Variants in PLPP4 observed in about 807,000 individuals in gnomAD.
PLPP4 encodes diacylglycerol pyrophosphate like 2.
PLPP4 carries 20 observed loss-of-function variants against 32.2 expected under a neutral mutation model. That is an observed-to-expected ratio of 0.62 (90% CI 0.44 to 0.90). The LOEUF (loss-of-function observed/expected upper bound fraction) is 0.90, where lower values mean the gene tolerates loss of function less well. Ranked by LOEUF, PLPP4 falls within the 40% of genes least tolerant of loss-of-function variation. The pLI, the probability that PLPP4 is intolerant of heterozygous loss-of-function variation, is 0.00. For missense variants in PLPP4, 257 were observed against 353.1 expected, an observed-to-expected ratio of 0.73 and a Z score of 2.18; for synonymous variants, 127 against 133.0, an observed-to-expected ratio of 0.95 and a Z score of 0.31.
intron 1 of PLPP4, among the ~76,000 whole-genome samples, chr10:120,459,991 G>C (rs1305710280): frequency 6.6e-6 from 1 of 152,128 alleles, no homozygotes; most frequent in African/African-American, 2.4e-5. Flanking sequence ...CTGAGGTTTT[G>C]TGCATTCAGA....
chr10:120,527,776 G>A (rs904977518), intron 5 of PLPP4, among the ~76,000 whole-genome samples: 1 of 152,140 alleles, frequency 6.6e-6, no homozygotes, highest in African/African-American at 2.4e-5. Context: ...TACCAGCTGC[G>A]TGTCTGGGAG....
intron 6 of PLPP4, chr10:120,581,081 C>T: frequency 7.9e-7 from 1 of 1,266,614 alleles, no homozygotes; most frequent in Non-Finnish European, 1.0e-6. Context: ...AAGTCCACTG[C>T]ATATCCTGCT....
intron 1 of PLPP4, among the ~76,000 whole-genome samples, chr10:120,466,103 G>A (rs145608726): frequency 8.1e-4 from 124 of 152,196 alleles, no homozygotes; most frequent in African/African-American, 2.8e-3. Flanking sequence ...TCTCTGTCCA[G>A]CTATACCTCT....
Position 120,529,180 on chromosome 10 carries a change from G to A in PLPP4, c.445+8085G>A, listed in dbSNP as rs1846576899. The stretch of plus-strand genomic sequence containing the variant: ...CTGGAGACATTTTTGGTTGTCACAA[G>A]TGTGCGTGTGTGTGTGTGTGTGCGT... On this transcript the variant is annotated intron_variant, in intron 5 of 6. Coordinates refer to ENST00000398250, the MANE Select transcript of PLPP4 (RefSeq NM_001030059.3). Among the ~76,000 whole-genome samples the A allele has an allele frequency of 3.4e-5, 4 of 118,776 alleles. No homozygotes were observed. In the South Asian group the frequency reaches 9.7e-4, roughly 29 times the overall value. 77.9% of individuals were successfully genotyped at this position (118,776 alleles called of 152,430 possible).
chr10:120,520,065 G>A (rs1280951349), intron 4 of PLPP4, among the ~76,000 whole-genome samples: 4 of 152,224 alleles, frequency 2.6e-5, no homozygotes, highest in Non-Finnish European at 5.9e-5. Context: ...CTGCCTCAGG[G>A]TTCTCCTAAG....
In PLPP4 at chr10:120,492,665, A is replaced by T. The variant is rs147968986; in HGVS notation, c.57-11153A>T. 4.1e-3 allele frequency among the ~76,000 whole-genome samples: 632 copies of T among 152,330 alleles called. 5 individuals carry two copies. Among genetic ancestry groups the T allele is most frequent in the African/African-American group, 0.015 (612 of 41,570 alleles). Reference sequence around the variant, plus strand: ...ACCATGAGTAAGAGGCAAAGGCAGGATGCAGGGGTTTCAACTCCACAGCTC... The same window carrying T: ...ACCATGAGTAAGAGGCAAAGGCAGGTTGCAGGGGTTTCAACTCCACAGCTC... On this transcript the variant is annotated intron_variant, in intron 1 of 6. Transcript: ENST00000398250.
At chr10:120,515,194 C>T (rs117881975) in intron 3 of PLPP4, among the ~76,000 whole-genome samples, 1 of 152,134 alleles carries the variant, frequency 6.6e-6, no homozygotes, top group South Asian at 2.1e-4. Flanking sequence ...AGCAATCTCA[C>T]AGACATCCAA....
intron 1 of PLPP4, among the ~76,000 whole-genome samples, chr10:120,470,768 G>C (rs1848483137): frequency 6.6e-6 from 1 of 151,616 alleles, no homozygotes; most frequent in African/African-American, 2.4e-5. Flanking sequence ...GGGAAAATTT[G>C]CCCCCCCGTA....
chr10:120,533,094 C>G (rs1846816147), intron 5 of PLPP4, among the ~76,000 whole-genome samples: 1 of 152,142 alleles, frequency 6.6e-6, no homozygotes. Context: ...TGAGGAACTG[C>G]CAACCTGCTC....
intron 1 of PLPP4, among the ~76,000 whole-genome samples, chr10:120,483,819 C>T (rs1232210211): frequency 2.6e-5 from 4 of 152,212 alleles, no homozygotes; most frequent in South Asian, 2.1e-4. Context: ...GATCTCTGCA[C>T]GTGGAGCTCC....
chr10:120,504,057 A>G (rs1845388805), intron 2 of PLPP4, 131 bp downstream of exon 2: 4 of 648,444 alleles, frequency 6.2e-6, no homozygotes, highest in East Asian at 2.7e-5. Flanking sequence ...CAGCCCATCA[A>G]ATTAAAATCC....
intron 5 of PLPP4, among the ~76,000 whole-genome samples, chr10:120,566,354 C>T (rs1035257227): frequency 1.3e-5 from 2 of 152,026 alleles, no homozygotes; most frequent in African/African-American, 2.4e-5. Context: ...ACTAACTACC[C>T]CAGGACCACT....
chr10:120,554,788 C>G (rs968878025), intron 5 of PLPP4, among the ~76,000 whole-genome samples: 2 of 152,030 alleles, frequency 1.3e-5, no homozygotes, highest in East Asian at 1.9e-4. Context: ...TTTAAACAAC[C>G]AGACCTCATG....
At chr10:120,544,024 A>G (rs1313840225) in intron 5 of PLPP4, among the ~76,000 whole-genome samples, 1 of 152,172 alleles carries the variant, frequency 6.6e-6, no homozygotes, top group Admixed American at 6.5e-5. Flanking sequence ...AGCAGTGTAC[A>G]CTTGGGTTGC....
chr10:120,466,670 G>C (rs2133785105), intron 1 of PLPP4, among the ~76,000 whole-genome samples: 1 of 152,166 alleles, frequency 6.6e-6, no homozygotes, highest in South Asian at 2.1e-4. Context: ...AGTTTTATAG[G>C]TCAAAACACT....
At chr10:120,532,736 T>C (rs1414699201) in intron 5 of PLPP4, among the ~76,000 whole-genome samples, 2 of 152,200 alleles carry the variant, frequency 1.3e-5, no homozygotes, top group African/African-American at 4.8e-5. Flanking sequence ...CAATATATAG[T>C]CATTCGTGAC....
intron 5 of PLPP4, among the ~76,000 whole-genome samples, chr10:120,533,300 C>T (rs1009128124): frequency 2.0e-5 from 3 of 152,010 alleles, no homozygotes; most frequent in Non-Finnish European, 2.9e-5. Flanking sequence ...GCTTATTGGC[C>T]GTTTGTATAT....
At chr10:120,575,616 T>C (rs1849186384) in intron 6 of PLPP4, among the ~76,000 whole-genome samples, 1 of 152,132 alleles carries the variant, frequency 6.6e-6, no homozygotes, top group Non-Finnish European at 1.5e-5. Flanking sequence ...TCCTGCTGGA[T>C]CACTTGCCTC....
intron 1 of PLPP4, among the ~76,000 whole-genome samples, chr10:120,470,386 T>G (rs1848465225): frequency 6.6e-6 from 1 of 152,336 alleles, no homozygotes; most frequent in East Asian, 1.9e-4. Context: ...TGTCTATGGT[T>G]GATTTTTAAG....
Sources: gnomAD v4.1 joint callset for allele counts (sites outside exome capture counted in the v4.1 genomes callset) on GRCh38, gnomAD v4.1.1 for gene constraint, MANE v1.5 for transcripts, NCBI Gene and HGNC (gene_info 2026-07-23, HGNC 2026-07-21) for gene names.